The following GATAD2B variants were observed in gnomAD, a reference collection of about 807,000 sequenced individuals.
The protein encoded by GATAD2B is GATA zinc finger domain containing 2B.
In GATAD2B, 8 loss-of-function variants were observed where a neutral mutation model predicts 64.3. That is an observed-to-expected ratio of 0.12 (90% CI 0.07 to 0.22). GATAD2B has a LOEUF of 0.22. Among genes scored for constraint, GATAD2B ranks in the 10% least tolerant of loss-of-function variants. GATAD2B has a pLI of 1.00. For synonymous variants in GATAD2B, 281 were observed against 271.3 expected (o/e 1.04, Z -0.35); for missense variants, 453 against 752.0 (o/e 0.60, Z 4.65).
At chr1:153,903,604 G>C (rs755302432) in intron 1 of GATAD2B, among the ~76,000 whole-genome samples, 4 of 152,150 alleles carry the variant, frequency 2.6e-5, no homozygotes, top group Non-Finnish European at 5.9e-5. Flanking sequence ...GTAAGCAACA[G>C]GAAAAGTACA....
chr1:153,840,894 G>A (rs1675464442), intron 1 of GATAD2B, among the ~76,000 whole-genome samples: 1 of 152,086 alleles, frequency 6.6e-6, no homozygotes. Context: ...GGGAGGCCGA[G>A]GAGAGCGGAT....
chr1:153,901,857 T>TA (rs57902610), intron 1 of GATAD2B, among the ~76,000 whole-genome samples: 35,685 of 146,246 alleles, frequency 0.24, 4,842 homozygotes, highest in Admixed American at 0.33. Flanking sequence ...ATAAATAAAT[T>TA]AAATAAAATG....
intron 1 of GATAD2B, among the ~76,000 whole-genome samples, chr1:153,839,129 A>G (rs918081477): frequency 2.7e-5 from 4 of 149,264 alleles, no homozygotes; most frequent in African/African-American, 7.3e-5. Context: ...AAAAAAAAAA[A>G]AAAAAGAAAG....
At chr1:153,872,718 A>G (rs1339005382) in intron 1 of GATAD2B, among the ~76,000 whole-genome samples, 1 of 152,186 alleles carries the variant, frequency 6.6e-6, no homozygotes, top group Admixed American at 6.5e-5. Flanking sequence ...CCAAGTCTAA[A>G]TAACGTACTT....
chr1:153,922,879 G>A lies in GATAD2B; in HGVS notation c.-148C>T, dbSNP rs1376913736. 1 of 152,896 alleles carries A rather than the reference G, an allele frequency of 6.5e-6. No individual in the cohort carries two copies. 9.5% of individuals were successfully genotyped at this position (152,896 alleles called of 1,614,324 possible). ...TAGGGGAGGGGGGCGGGCCGGACCGGGGCGGGCGGGCGGAGCAGACACTGC... is the reference window on the plus strand; with the variant it reads ...TAGGGGAGGGGGGCGGGCCGGACCGAGGCGGGCGGGCGGAGCAGACACTGC... On this transcript the variant is annotated 5_prime_UTR_variant, in exon 1 of 11. Transcript: ENST00000368655.
At position 153,815,882 on chromosome 1, in the gene GATAD2B, G is replaced by A. The variant is rs530686487; in HGVS notation, c.1216+391C>T. 5.6e-3 allele frequency among the ~76,000 whole-genome samples: 858 copies of A among 152,120 alleles called. 3 individuals carry two copies. The highest frequency in any genetic ancestry group is 8.7e-3 in the Non-Finnish European group (592 of 67,990). ...AGCCTGGCCAACATGATGAAACCCCGTCTCTACTAAAAATACAAAAATTAA... is the reference window on the plus strand; with the variant it reads ...AGCCTGGCCAACATGATGAAACCCCATCTCTACTAAAAATACAAAAATTAA... On this transcript the variant is annotated intron_variant, in intron 7 of 10. Transcript: ENST00000368655.
At chr1:153,897,155 G>A (rs987926488) in intron 1 of GATAD2B, among the ~76,000 whole-genome samples, 1 of 151,388 alleles carries the variant, frequency 6.6e-6, no homozygotes, top group African/African-American at 2.4e-5. Flanking sequence ...TCAGCCTCCC[G>A]AGTAGCTGGG....
At chr1:153,861,822 A>ATATATATG (rs1553194181) in intron 1 of GATAD2B, among the ~76,000 whole-genome samples, 2 of 136,260 alleles carry the variant, frequency 1.5e-5, no homozygotes, top group Non-Finnish European at 3.1e-5. Flanking sequence ...ACATATGTAT[A>ATATATATG]TATATGTATA....
rs534154699 is a variant in GATAD2B, at chr1:153,835,912, A to G, written c.-1-7564T>C. Among the ~76,000 whole-genome samples, 3 of 152,030 alleles carry G rather than the reference A, an allele frequency of 2.0e-5. No homozygotes were observed. In the East Asian group the frequency reaches 5.8e-4, roughly 29 times the overall value. Reference sequence around the variant, plus strand: ...TACTTTTTGTATTTTTAGTAGAGACAAGGTTTCACCATGTTGACCAGGCTG... The same window carrying G: ...TACTTTTTGTATTTTTAGTAGAGACGAGGTTTCACCATGTTGACCAGGCTG... On this transcript the variant is annotated intron_variant, in intron 1 of 10. Transcript: ENST00000368655.
intron 2 of GATAD2B, among the ~76,000 whole-genome samples, chr1:153,823,726 GTTTT>G (rs963248021): frequency 6.9e-5 from 10 of 145,564 alleles, no homozygotes; most frequent in African/African-American, 1.8e-4. Flanking sequence ...TTTTTTTTTT[GTTTT>G]TTTGTTTGTT....
At chr1:153,867,326 A>G (rs1428730465) in intron 1 of GATAD2B, among the ~76,000 whole-genome samples, 1 of 152,168 alleles carries the variant, frequency 6.6e-6, no homozygotes, top group African/African-American at 2.4e-5. Flanking sequence ...CAAGGTTAGC[A>G]ACCAGGAGGT....
chr1:153,839,510 A>C (rs1167396403), intron 1 of GATAD2B, among the ~76,000 whole-genome samples: 1 of 152,222 alleles, frequency 6.6e-6, no homozygotes, highest in Non-Finnish European at 1.5e-5. Context: ...TAATTCTCAA[A>C]AATGATGAAA....
At chr1:153,851,681 T>G (rs1675901592) in intron 1 of GATAD2B, among the ~76,000 whole-genome samples, 1 of 152,084 alleles carries the variant, frequency 6.6e-6, no homozygotes, top group Non-Finnish European at 1.5e-5. Context: ...AATAAAAAAC[T>G]AAAATCAAGT....
At chr1:153,919,213 C>T (rs765548339) in intron 1 of GATAD2B, among the ~76,000 whole-genome samples, 1 of 152,108 alleles carries the variant, frequency 6.6e-6, no homozygotes, top group South Asian at 2.1e-4. Flanking sequence ...GTACTATAAC[C>T]CAAAACTGTT....
At chr1:153,906,790 G>C (rs1677953356) in intron 1 of GATAD2B, among the ~76,000 whole-genome samples, 1 of 152,006 alleles carries the variant, frequency 6.6e-6, no homozygotes, top group African/African-American at 2.4e-5. Context: ...CTACAACTTA[G>C]AAACAAAAAC....
At chr1:153,875,328 A>G (rs867104550) in intron 1 of GATAD2B, among the ~76,000 whole-genome samples, 26 of 152,216 alleles carry the variant, frequency 1.7e-4, no homozygotes, top group African/African-American at 5.8e-4. Context: ...CCACACATAA[A>G]ATACACTAAC....
At chr1:153,830,798 C>T (rs146210995) in intron 1 of GATAD2B, among the ~76,000 whole-genome samples, 2 of 152,120 alleles carry the variant, frequency 1.3e-5, no homozygotes, top group East Asian at 3.9e-4. Flanking sequence ...TTTTGAGAGA[C>T]AGGGTCTCAC....
At chr1:153,856,946 A>G (rs575716713) in intron 1 of GATAD2B, among the ~76,000 whole-genome samples, 1 of 152,102 alleles carries the variant, frequency 6.6e-6, no homozygotes, top group Admixed American at 6.6e-5. Flanking sequence ...TCCTTTTTGC[A>G]TGCAGATGAT....
chr1:153,893,269 G>A (rs1033985646), intron 1 of GATAD2B, among the ~76,000 whole-genome samples: 4 of 152,138 alleles, frequency 2.6e-5, no homozygotes, highest in African/African-American at 9.7e-5. Flanking sequence ...TGGTATAGTA[G>A]GCAGGCTTAT....
Sources: allele counts gnomAD v4.1 joint callset (sites outside exome capture counted in the v4.1 genomes callset), GRCh38; gene constraint gnomAD v4.1.1; transcripts MANE v1.5; gene names NCBI Gene and HGNC (gene_info 2026-07-23, HGNC 2026-07-21).